Variants in NAV3 observed in about 807,000 individuals in gnomAD.
The protein encoded by NAV3 is pore membrane and/or filament interacting like protein 1.
A neutral mutation model predicts 244.7 loss-of-function variants in NAV3; 87 were observed. That is an observed-to-expected ratio of 0.36 (90% CI 0.30 to 0.42). The LOEUF (loss-of-function observed/expected upper bound fraction) is 0.42. Ranked by LOEUF, NAV3 falls within the 20% of genes least tolerant of loss-of-function variation. The pLI is 1.00. For synonymous variants in NAV3, 1,126 were observed against 1,042.2 expected (o/e 1.08, Z -1.55); for missense variants, 2,663 against 2,893.3 (o/e 0.92, Z 1.83).
intron 1 of NAV3, among the ~76,000 whole-genome samples, chr12:77,936,512 C>A (rs1190144578): frequency 6.6e-6 from 1 of 152,120 alleles, no homozygotes; most frequent in East Asian, 1.9e-4. Flanking sequence ...AATTACCAAA[C>A]ACTGAATTAT....
chr12:77,714,953 T>C lies in NAV3; in HGVS notation c.72+142687T>C, dbSNP rs1876295351. On this transcript the variant is annotated intron_variant, in intron 2 of 8. Coordinates refer to the NAV3 transcript ENST00000550042. ...TTTACTTAAAAATATGATATTTACT[T>C]TTCATGATTTATTTAACTCACAAAT... 2.0e-5 allele frequency among the ~76,000 whole-genome samples: 3 copies of C among 152,114 alleles called. No homozygotes were observed. The South Asian group carries it at 6.2e-4, about 32-fold the overall frequency.
At chr12:77,805,894 G>A (rs1021662195) in intron 2 of NAV3, among the ~76,000 whole-genome samples, 1 of 152,076 alleles carries the variant, frequency 6.6e-6, no homozygotes, top group Non-Finnish European at 1.5e-5. Flanking sequence ...TTTAGTCTTG[G>A]CAGGGTGTAT....
chr12:78,056,018 C>G (rs566793290), intron 11 of NAV3, among the ~76,000 whole-genome samples: 1 of 152,200 alleles, frequency 6.6e-6, no homozygotes, highest in Non-Finnish European at 1.5e-5. Context: ...GATAGTCTCA[C>G]AAATGAGTCC....
At chr12:77,970,446 C>G (rs1892902087) in intron 5 of NAV3, among the ~76,000 whole-genome samples, 1 of 152,120 alleles carries the variant, frequency 6.6e-6, no homozygotes, top group Admixed American at 6.6e-5. Flanking sequence ...CCATAATAAA[C>G]AATATTTATT....
At chr12:77,782,729 T>A (rs141400330) in intron 2 of NAV3, among the ~76,000 whole-genome samples, 2 of 152,298 alleles carry the variant, frequency 1.3e-5, no homozygotes, top group East Asian at 3.9e-4. Flanking sequence ...AATGGGAAAG[T>A]CTAAGAAAAT....
At chr12:77,734,680 G>A (rs1877264700) in intron 2 of NAV3, among the ~76,000 whole-genome samples, 2 of 152,094 alleles carry the variant, frequency 1.3e-5, no homozygotes. Flanking sequence ...TCCAAATGTG[G>A]AAGGGATGAG....
intron 1 of NAV3, among the ~76,000 whole-genome samples, chr12:77,857,709 A>G (rs1277625601): frequency 1.3e-5 from 2 of 151,944 alleles, no homozygotes; most frequent in Admixed American, 6.6e-5. Flanking sequence ...AGAATTAATG[A>G]TATTTTAATA....
chr12:77,974,160 A>T (rs941892881), intron 5 of NAV3, among the ~76,000 whole-genome samples: 9 of 152,084 alleles, frequency 5.9e-5, no homozygotes, highest in Non-Finnish European at 1.3e-4. Flanking sequence ...TAAATTCATT[A>T]CAAGAAAATA....
At position 78,159,177 on chromosome 12, in the gene NAV3, C is replaced by G. The variant is rs144296455; in HGVS notation, c.4786-26C>G. The G allele has an allele frequency of 7.0e-5, 111 of 1,594,834 alleles. No homozygotes were observed. In the African/African-American group the frequency reaches 1.1e-3, roughly 16 times the overall value. ...TCCACATAAGATTCTGACATTTAAA[C>G]TATGTTTCTTCCATTCTGTTCACAG... On this transcript the variant is annotated intron_variant, in intron 22 of 39. Transcript: ENST00000397909.
chr12:78,113,633 G>T (rs923971573), intron 12 of NAV3, among the ~76,000 whole-genome samples: 1 of 152,094 alleles, frequency 6.6e-6, no homozygotes, highest in Admixed American at 6.6e-5. Flanking sequence ...CAGCAGGGGG[G>T]CCCTGGACCC....
chr12:78,148,744 G>C, intron 21 of NAV3, 98 bp from the exon 22 acceptor site: 2 of 1,011,340 alleles, frequency 2.0e-6, no homozygotes, highest in Admixed American at 4.4e-5. Flanking sequence ...AATGGGGTTA[G>C]AATGAGCTAA....
At chr12:77,737,639 A>G (rs1414917170) in intron 2 of NAV3, among the ~76,000 whole-genome samples, 1 of 152,178 alleles carries the variant, frequency 6.6e-6, no homozygotes, top group East Asian at 1.9e-4. Context: ...TAATATTTAG[A>G]TGGCAGCTAC....
intron 28 of NAV3, 38 bp downstream of exon 28, chr12:78,177,723 C>A (rs1450561843): frequency 1.9e-6 from 3 of 1,568,510 alleles, no homozygotes; most frequent in Non-Finnish European, 2.6e-6. Context: ...TGCAAAGATC[C>A]AGGTTCTAAC....
intron 1 of NAV3, among the ~76,000 whole-genome samples, chr12:77,925,046 T>C (rs1180828816): frequency 1.3e-5 from 2 of 152,122 alleles, no homozygotes; most frequent in Non-Finnish European, 2.9e-5. Context: ...TTTCCACTTC[T>C]GAAACCCTTC....
At chr12:77,687,686 A>G (rs1874819135) in intron 2 of NAV3, among the ~76,000 whole-genome samples, 1 of 152,122 alleles carries the variant, frequency 6.6e-6, no homozygotes, top group East Asian at 1.9e-4. Context: ...TCATGAGAAA[A>G]AACTGGACTA....
chr12:78,013,923 C>A (rs1875747074), intron 8 of NAV3, among the ~76,000 whole-genome samples: 1 of 151,500 alleles, frequency 6.6e-6, no homozygotes. Context: ...TCTTGGTGTC[C>A]ATCCTGAGCT....
intron 2 of NAV3, among the ~76,000 whole-genome samples, chr12:77,752,888 CAGGTT>C (rs964705712): frequency 2.0e-5 from 3 of 152,070 alleles, no homozygotes; most frequent in African/African-American, 7.2e-5. Context: ...GTGAGACTGT[CAGGTT>C]AGGGTTCTTT....
intron 9 of NAV3, among the ~76,000 whole-genome samples, chr12:78,023,635 T>C (rs920691072): frequency 6.6e-6 from 1 of 152,188 alleles, no homozygotes; most frequent in African/African-American, 2.4e-5. Flanking sequence ...AAAATGTCTC[T>C]CGTTGCTTGA....
rs1209599022 is a variant in NAV3 at position 78,146,395 on chromosome 12, A to C, written c.4707+3A>C. 1 of 98,250 alleles carries C rather than the reference A, an allele frequency of 1.0e-5. No individual in the cohort carries two copies. Among genetic ancestry groups the C allele is most frequent in the Non-Finnish European group, 1.5e-5 (1 of 67,908 alleles). 6.1% of individuals were successfully genotyped at this position (98,250 alleles called of 1,614,324 possible). On this transcript the variant is annotated splice_donor_region_variant and intron_variant, in intron 21 of 39. Transcript: ENST00000397909. Reference sequence around the variant, plus strand: ...CTGAAGAAAAGGCTCATTCAGAGGTAAAAAAAAAATATGCAATATTTTAAT... The same window carrying C: ...CTGAAGAAAAGGCTCATTCAGAGGTCAAAAAAAAATATGCAATATTTTAAT...
Sources: allele counts gnomAD v4.1 joint callset (sites outside exome capture counted in the v4.1 genomes callset), GRCh38; gene constraint gnomAD v4.1.1; transcripts MANE v1.5; gene names NCBI Gene and HGNC (gene_info 2026-07-23, HGNC 2026-07-21).